ITGA2: variants seen among roughly 807,000 people sequenced by gnomAD.
ITGA2 encodes the protein integrin alpha-2.
Under a neutral mutation model 146.3 loss-of-function variants are expected in ITGA2, and 101 were observed. The observed-to-expected ratio is 0.69, with a 90% CI of 0.59 to 0.81. The LOEUF is 0.81. Ranked by LOEUF, ITGA2 falls within the 40% of genes least tolerant of loss-of-function variation. ITGA2 has a pLI of 0.00. For synonymous variants in ITGA2, 477 were observed against 487.1 expected, an observed-to-expected ratio of 0.98 and a Z score of 0.27; for missense variants, 1,281 against 1,402.7, an observed-to-expected ratio of 0.91 and a Z score of 1.39.
At chr5:53,067,771 G>A (rs1300870890) in intron 16 of ITGA2, among the ~76,000 whole-genome samples, 1 of 151,902 alleles carries the variant, frequency 6.6e-6, no homozygotes, top group Non-Finnish European at 1.5e-5. Context: ...AGAGAAATGA[G>A]TAAAAGTCTG....
intron 7 of ITGA2, among the ~76,000 whole-genome samples, chr5:53,055,313 G>A (rs3212518): frequency 2.0e-3 from 300 of 152,136 alleles, no homozygotes; most frequent in African/African-American, 6.9e-3. Flanking sequence ...ACACACATAT[G>A]CCCTGACACA....
rs765184981 is a variant in ITGA2, at chr5:53,073,238, T to C, written c.2550T>C (p.Phe850=). Residue 850 remains phenylalanine (F), a synonymous_variant, in exon 20 of 30, where the codon TTT becomes TTC. Coordinates refer to ENST00000296585, the MANE Select transcript of ITGA2 (RefSeq NM_002203.4). ...TTGTTGATTTTTCAGAAAACTTGTTTTTTGCATCATTCTCCCTGCCGGTAT... is the reference window on the plus strand; with the variant it reads ...TTGTTGATTTTTCAGAAAACTTGTTCTTTGCATCATTCTCCCTGCCGGTAT... ...GIVVDFSENL[F]FASFSLPVDG... 6.2e-6 allele frequency: 10 copies of C among 1,612,462 alleles called. No individual in the cohort carries two copies. In the Middle Eastern group the frequency reaches 1.2e-3, roughly 186 times the overall value.
At chr5:52,993,208 T>G (rs963671771) in intron 1 of ITGA2, among the ~76,000 whole-genome samples, 1 of 152,144 alleles carries the variant, frequency 6.6e-6, no homozygotes, top group Non-Finnish European at 1.5e-5. Context: ...ACCTCTCTGG[T>G]CTCATCCTCA....
intron 2 of ITGA2, among the ~76,000 whole-genome samples, chr5:53,030,519 C>T (rs1439336071): frequency 6.6e-6 from 1 of 152,172 alleles, no homozygotes; most frequent in Non-Finnish European, 1.5e-5. Flanking sequence ...CCTGTCTGAC[C>T]TGAAGGGCTG....
intron 1 of ITGA2, among the ~76,000 whole-genome samples, chr5:53,020,261 A>G (rs1368185950): frequency 1.3e-5 from 2 of 152,260 alleles, no homozygotes; most frequent in African/African-American, 4.8e-5. Context: ...GAGAAAAAAC[A>G]TAGAATCATG....
At chr5:53,024,277 C>A (rs976043467) in intron 1 of ITGA2, among the ~76,000 whole-genome samples, 1 of 151,902 alleles carries the variant, frequency 6.6e-6, no homozygotes, top group Non-Finnish European at 1.5e-5. Context: ...CAGTAAGATG[C>A]GAGTTGGAAT....
chr5:53,048,470 A>G lies in ITGA2; in HGVS notation c.495A>G (p.Ala165=). The G allele has an allele frequency of 6.2e-7, 1 of 1,614,000 alleles. No homozygotes were observed. Among genetic ancestry groups the G allele is most frequent in the Non-Finnish European group, 8.5e-7 (1 of 1,179,854 alleles). ...DFQLSASFSP[A]TQPCPSLIDV... ...AGCTCTCAGCCAGCTTCTCACCTGC[A>G]ACTCAGCGTAAGTTATTAATGTGCA... Residue 165 remains alanine, a synonymous_variant, in exon 5 of 30, where the codon GCA becomes GCG. Transcript: ENST00000296585.
chr5:53,090,313 G>A (rs1452498470), intron 29 of ITGA2, among the ~76,000 whole-genome samples: 1 of 152,182 alleles, frequency 6.6e-6, no homozygotes, highest in African/African-American at 2.4e-5. Context: ...GCTGAAAAAT[G>A]TAGCTTTATG....
intron 28 of ITGA2, among the ~76,000 whole-genome samples, chr5:53,087,825 G>C (rs1256976097): frequency 1.3e-5 from 2 of 152,198 alleles, no homozygotes; most frequent in Non-Finnish European, 2.9e-5. Flanking sequence ...CTTGTGTTAG[G>C]AGTTGAAAGC....
intron 1 of ITGA2, among the ~76,000 whole-genome samples, chr5:53,025,202 G>A (rs1237769894): frequency 6.6e-6 from 1 of 152,162 alleles, no homozygotes; most frequent in African/African-American, 2.4e-5. Context: ...CCACAATGGG[G>A]TGAAGATAAA....
At chr5:52,994,920 A>G (rs1019453821) in intron 1 of ITGA2, among the ~76,000 whole-genome samples, 1 of 152,174 alleles carries the variant, frequency 6.6e-6, no homozygotes, top group Non-Finnish European at 1.5e-5. Flanking sequence ...TCTTCATGGA[A>G]ACAGGTAAGA....
intron 1 of ITGA2, among the ~76,000 whole-genome samples, chr5:53,024,426 A>G (rs540490421): frequency 6.6e-6 from 1 of 152,342 alleles, no homozygotes; most frequent in South Asian, 2.1e-4. Flanking sequence ...TGAAGAACAT[A>G]TAGTAATTAA....
chr5:53,018,419 C>T (rs1742504402), intron 1 of ITGA2, among the ~76,000 whole-genome samples: 2 of 152,142 alleles, frequency 1.3e-5, no homozygotes, highest in Admixed American at 1.3e-4. Context: ...ACCTGTTCAA[C>T]TGACCCCAGA....
At chr5:53,015,060 TG>T (rs1321598449) in intron 1 of ITGA2, among the ~76,000 whole-genome samples, 1 of 152,150 alleles carries the variant, frequency 6.6e-6, no homozygotes, top group Non-Finnish European at 1.5e-5. Context: ...CTGAATTTGT[TG>T]ATCTTTTTTA....
intron 4 of ITGA2, among the ~76,000 whole-genome samples, chr5:53,047,350 A>G (rs1204587937): frequency 6.6e-6 from 1 of 152,016 alleles, no homozygotes; most frequent in African/African-American, 2.4e-5. Context: ...ATTTAATCTA[A>G]TGTTTCTTGT....
intron 1 of ITGA2, among the ~76,000 whole-genome samples, chr5:53,011,156 A>G (rs1276645778): frequency 2.0e-5 from 3 of 152,198 alleles, no homozygotes; most frequent in African/African-American, 7.2e-5. Flanking sequence ...CACAACGTTT[A>G]TGGTAATTTG....
At chr5:53,075,522 A>G (rs950092307) in intron 23 of ITGA2, among the ~76,000 whole-genome samples, 3 of 151,980 alleles carry the variant, frequency 2.0e-5, no homozygotes, top group Non-Finnish European at 4.4e-5. Flanking sequence ...GTAGCCCAGA[A>G]AGGCAGAGAA....
intron 2 of ITGA2, among the ~76,000 whole-genome samples, chr5:53,028,591 T>A (rs561174207): frequency 4.6e-4 from 70 of 152,130 alleles, no homozygotes; most frequent in Admixed American, 1.0e-3. Flanking sequence ...TGACCCACAG[T>A]TTTAAATATT....
chr5:52,995,425 G>A (rs1338410699), intron 1 of ITGA2, among the ~76,000 whole-genome samples: 3 of 152,172 alleles, frequency 2.0e-5, no homozygotes, highest in African/African-American at 7.2e-5. Context: ...AGTAGGGAAA[G>A]AGACTGGAGG....
Sources: allele counts gnomAD v4.1 joint callset (sites outside exome capture counted in the v4.1 genomes callset), GRCh38; gene constraint gnomAD v4.1.1; transcripts MANE v1.5; gene names NCBI Gene and HGNC (gene_info 2026-07-23, HGNC 2026-07-21).